PDS5A: variants seen among roughly 807,000 people sequenced by gnomAD.
PDS5A encodes the protein sister chromatid cohesion protein PDS5 homolog A.
In PDS5A, 42 loss-of-function variants were observed where a neutral mutation model predicts 167.1. The observed-to-expected ratio is 0.25, with a 90% CI of 0.20 to 0.33. PDS5A has a LOEUF of 0.33. PDS5A is among the 10% of genes least tolerant of loss of function. The pLI, the probability that PDS5A is intolerant of heterozygous loss-of-function variation, is 1.00. For synonymous variants in PDS5A, 553 were observed against 554.6 expected (o/e 1.00, Z 0.04); for missense variants, 1,033 against 1,605.9 (o/e 0.64, Z 6.10).
chr4:39,873,362 GA>G (rs1720206852), intron 20 of PDS5A, among the ~76,000 whole-genome samples: 1 of 151,960 alleles, frequency 6.6e-6, no homozygotes, highest in South Asian at 2.1e-4. Context: ...AAAGATAAAA[GA>G]AAAAATAAAA....
intron 10 of PDS5A, 156 bp from the exon 11 acceptor site, chr4:39,908,696 C>T (rs1025714869): frequency 1.2e-5 from 7 of 606,784 alleles, no homozygotes; most frequent in African/African-American, 1.1e-4. Context: ...TTTACAGCAG[C>T]AGTACTCTAC....
chr4:39,973,003 A>T, intron 2 of PDS5A: 1 of 492,678 alleles, frequency 2.0e-6, no homozygotes, highest in Non-Finnish European at 3.7e-6. Flanking sequence ...TAATGTTCAA[A>T]GTTTCCTTTC....
intron 2 of PDS5A, among the ~76,000 whole-genome samples, chr4:39,930,241 A>G (rs1725898351): frequency 7.8e-6 from 1 of 128,826 alleles, no homozygotes; most frequent in African/African-American, 2.6e-5. Context: ...AAAAAAAAAA[A>G]AAAAAGTTTT....
intron 2 of PDS5A, among the ~76,000 whole-genome samples, chr4:39,931,675 C>T (rs1362472081): frequency 6.6e-6 from 1 of 152,122 alleles, no homozygotes; most frequent in Admixed American, 6.6e-5. Context: ...CAGTCTTTTA[C>T]GACCTAACCT....
At chr4:39,888,141 C>T (rs1424506323) in intron 17 of PDS5A, among the ~76,000 whole-genome samples, 2 of 146,122 alleles carry the variant, frequency 1.4e-5, no homozygotes, top group Admixed American at 7.0e-5. Context: ...CCTAGCTACT[C>T]GGGAGGCTGA....
chr4:39,867,774 A>ACCC (rs1553892710), intron 22 of PDS5A, among the ~76,000 whole-genome samples: 3 of 108,524 alleles, frequency 2.8e-5, no homozygotes, highest in Non-Finnish European at 5.8e-5. Context: ...ACACACACAC[A>ACCC]CCCCACAACT....
chr4:39,953,889 GC>G (rs1728649159), intron 2 of PDS5A, among the ~76,000 whole-genome samples: 1 of 152,106 alleles, frequency 6.6e-6, no homozygotes, highest in Admixed American at 6.6e-5. Context: ...ACTCTCAATA[GC>G]CAAAGCACAA....
At chr4:39,869,212 C>T (rs1719809659) in intron 22 of PDS5A, among the ~76,000 whole-genome samples, 182 bp downstream of exon 22, 1 of 152,280 alleles carries the variant, frequency 6.6e-6, no homozygotes, top group Non-Finnish European at 1.5e-5. Flanking sequence ...GGCTTAAGCT[C>T]ATAATCCCAG....
At chr4:39,831,499 C>A (rs915104821) in intron 32 of PDS5A, among the ~76,000 whole-genome samples, 1 of 152,126 alleles carries the variant, frequency 6.6e-6, no homozygotes, top group African/African-American at 2.4e-5. Flanking sequence ...TTTTTTAATG[C>A]AGCAAAATTT....
intron 2 of PDS5A, among the ~76,000 whole-genome samples, chr4:39,945,698 A>G (rs1727689931): frequency 6.6e-6 from 1 of 151,970 alleles, no homozygotes. Context: ...TGAAGACTAC[A>G]GTAGAAAATT....
In PDS5A at chr4:39,872,998, T is replaced by C. The variant is rs367660302; in HGVS notation, c.2424A>G (p.Leu808=). The change falls in exon 21 of 33, where the codon CTA becomes CTG. Residue 808 remains leucine, a synonymous_variant. Coordinates refer to ENST00000303538, the MANE Select transcript of PDS5A (RefSeq NM_001100399.2). Reference sequence around the variant, plus strand: ...ATGAGAAACTTACCCTGTCATTCATTAGCAGATCTTTCACAATAAAATTTG... The same window carrying C: ...ATGAGAAACTTACCCTGTCATTCATCAGCAGATCTTTCACAATAAAATTTG... ...VVANFIVKDL[L]MNDRSTGEKN... is the part of the protein sequence containing the mutation. 1.1e-4 allele frequency: 164 copies of C among 1,511,074 alleles called. 3 individuals carry two copies. The South Asian group carries it at 1.7e-3, about 16-fold the overall frequency. 93.6% of individuals were successfully genotyped at this position (1,511,074 alleles called of 1,614,324 possible). A position where few individuals can be genotyped will look rare whatever the true frequency, so the allele number is the denominator to read the frequency against.
intron 32 of PDS5A, among the ~76,000 whole-genome samples, chr4:39,836,725 A>C (rs1716443510): frequency 6.6e-6 from 1 of 150,588 alleles, no homozygotes; most frequent in Non-Finnish European, 1.5e-5. Context: ...TGGCCTCCCA[A>C]AGTGTTGGGA....
intron 2 of PDS5A, among the ~76,000 whole-genome samples, chr4:39,959,952 C>T (rs1181223605): frequency 1.3e-5 from 2 of 152,064 alleles, no homozygotes; most frequent in East Asian, 3.9e-4. Flanking sequence ...ATTAGGTGGG[C>T]ATGGTGGTAC....
At chr4:39,829,681 G>C (rs1326451429) in intron 32 of PDS5A, among the ~76,000 whole-genome samples, 1 of 150,916 alleles carries the variant, frequency 6.6e-6, no homozygotes, top group African/African-American at 2.4e-5. Flanking sequence ...GCCAGGCGCG[G>C]TGGCTCACGC....
chr4:39,873,662 T>G (rs1228879446), intron 20 of PDS5A, among the ~76,000 whole-genome samples: 4 of 152,194 alleles, frequency 2.6e-5, no homozygotes, highest in East Asian at 1.9e-4. Context: ...TACTTTAAAC[T>G]GGATTGTTCA....
chr4:39,863,524 G>A (rs971859052), intron 23 of PDS5A, 65 bp from the exon 24 acceptor site: 178 of 1,228,382 alleles, frequency 1.4e-4, no homozygotes, highest in Non-Finnish European at 2.0e-4. Flanking sequence ...AAATGCTTTC[G>A]TCCCTTTTTG....
At chr4:39,976,295 T>G (rs1731073921) in intron 2 of PDS5A, 145 bp downstream of exon 2, 1 of 567,622 alleles carries the variant, frequency 1.8e-6, no homozygotes, top group South Asian at 3.3e-5. Flanking sequence ...CACTCAAAGA[T>G]GTTATCTGAG....
intron 2 of PDS5A, among the ~76,000 whole-genome samples, chr4:39,953,292 G>A (rs78308926): frequency 0.034 from 5,235 of 152,202 alleles, 215 homozygotes; most frequent in East Asian, 0.23. Context: ...CACCGTGGCT[G>A]GGGTAACTGA....
At chr4:39,855,216 G>C (rs1163893498) in intron 26 of PDS5A, among the ~76,000 whole-genome samples, 1 of 152,144 alleles carries the variant, frequency 6.6e-6, no homozygotes, top group African/African-American at 2.4e-5. Flanking sequence ...ACAGTGAAGG[G>C]AATCTATGTC....
Sources: allele counts gnomAD v4.1 joint callset (sites outside exome capture counted in the v4.1 genomes callset), GRCh38; gene constraint gnomAD v4.1.1; transcripts MANE v1.5; gene names NCBI Gene and HGNC (gene_info 2026-07-23, HGNC 2026-07-21).